Variants in DPY19L3 observed in about 807,000 individuals in gnomAD.
DPY19L3 encodes the protein protein C-mannosyl-transferase DPY19L3.
Under a neutral mutation model 92.3 loss-of-function variants are expected in DPY19L3, and 51 were observed. That is an observed-to-expected ratio of 0.55 (90% CI 0.44 to 0.70). The LOEUF (loss-of-function observed/expected upper bound fraction) is 0.70, where lower values mean the gene tolerates loss of function less well. Ranked by LOEUF, DPY19L3 falls within the 30% of genes least tolerant of loss-of-function variation. DPY19L3 has a pLI of 0.00. For missense variants in DPY19L3, 706 were observed against 855.9 expected, an observed-to-expected ratio of 0.82 and a Z score of 2.18; for synonymous variants, 309 against 315.2, an observed-to-expected ratio of 0.98 and a Z score of 0.21.
At chr19:32,452,276 G>A (rs1465476479) in intron 8 of DPY19L3, among the ~76,000 whole-genome samples, 2 of 152,212 alleles carry the variant, frequency 1.3e-5, no homozygotes, top group African/African-American at 2.4e-5. Context: ...TACAGGTGCT[G>A]TTGGTGCCGG....
At chr19:32,440,928 T>G (rs1401616889) in intron 8 of DPY19L3, among the ~76,000 whole-genome samples, 1 of 151,760 alleles carries the variant, frequency 6.6e-6, no homozygotes, top group Non-Finnish European at 1.5e-5. Flanking sequence ...GGGTGGGATG[T>G]CAGGGGTGGG....
intron 15 of DPY19L3, chr19:32,468,013 AATTAT>A: frequency 2.0e-6 from 2 of 984,938 alleles, no homozygotes; most frequent in South Asian, 9.4e-5. Context: ...TTGTACCAGC[AATTAT>A]ATTAATATAT....
chr19:32,478,073 T>G (rs956050296), intron 17 of DPY19L3, among the ~76,000 whole-genome samples: 22 of 152,050 alleles, frequency 1.4e-4, no homozygotes, highest in African/African-American at 5.3e-4. Flanking sequence ...CCCTACCACA[T>G]CATGTGGGAC....
chr19:32,410,890 C>T (rs1182043556), intron 2 of DPY19L3, among the ~76,000 whole-genome samples: 2 of 152,326 alleles, frequency 1.3e-5, no homozygotes, highest in Admixed American at 6.5e-5. Context: ...GTCCTAGACA[C>T]GTAACACATT....
intron 16 of DPY19L3, among the ~76,000 whole-genome samples, chr19:32,471,401 G>A (rs181873757): frequency 1.2e-4 from 18 of 152,268 alleles, no homozygotes; most frequent in African/African-American, 3.9e-4. Flanking sequence ...GGCATCTATC[G>A]GACAGGGGCA....
intron 13 of DPY19L3, 78 bp from the exon 14 acceptor site, chr19:32,463,791 C>A: frequency 1.6e-6 from 2 of 1,253,532 alleles, no homozygotes; most frequent in Non-Finnish European, 1.2e-6. Context: ...GACTGTAAAG[C>A]TGCCTTTATA....
chr19:32,447,773 ATAGAT>A (rs1555721940), intron 8 of DPY19L3, among the ~76,000 whole-genome samples: 3 of 123,330 alleles, frequency 2.4e-5, no homozygotes, highest in African/African-American at 1.0e-4. Context: ...AGATAGATAG[ATAGAT>A]TAGATAAGAT....
At chr19:32,420,446 T>G (rs1460116787) in intron 3 of DPY19L3, among the ~76,000 whole-genome samples, 1 of 149,722 alleles carries the variant, frequency 6.7e-6, no homozygotes. Context: ...TAGTTTTGTT[T>G]TTTTTTGTTG....
intron 3 of DPY19L3, among the ~76,000 whole-genome samples, chr19:32,432,453 A>G (rs554064406): frequency 6.6e-6 from 1 of 152,138 alleles, no homozygotes; most frequent in Admixed American, 6.5e-5. Flanking sequence ...CTGCTATTAC[A>G]TAGGAATGGT....
intron 15 of DPY19L3, among the ~76,000 whole-genome samples, chr19:32,467,051 A>T (rs562680912): frequency 6.6e-6 from 1 of 152,322 alleles, no homozygotes; most frequent in East Asian, 1.9e-4. Context: ...ATTTCTCTTT[A>T]GTATAAGCAT....
At chr19:32,429,623 C>T (rs1389464358) in intron 3 of DPY19L3, among the ~76,000 whole-genome samples, 1 of 152,118 alleles carries the variant, frequency 6.6e-6, no homozygotes, top group Non-Finnish European at 1.5e-5. Flanking sequence ...TTTCTTATTC[C>T]CTGGTCTTTT....
At chr19:32,477,833 AAG>A (rs1428199833) in intron 17 of DPY19L3, among the ~76,000 whole-genome samples, 179 bp downstream of exon 17, 3 of 152,202 alleles carry the variant, frequency 2.0e-5, no homozygotes, top group African/African-American at 2.4e-5. Context: ...TTACAGAAGA[AAG>A]AGAGGTTTAA....
chr19:32,424,248 A>G (rs1968679872), intron 3 of DPY19L3, among the ~76,000 whole-genome samples: 1 of 151,316 alleles, frequency 6.6e-6, no homozygotes, highest in Non-Finnish European at 1.5e-5. Flanking sequence ...TGAGCTGGGG[A>G]GGTCAAGGCT....
intron 3 of DPY19L3, among the ~76,000 whole-genome samples, chr19:32,413,443 TC>T (rs985837126): frequency 5.1e-5 from 5 of 97,334 alleles, no homozygotes; most frequent in African/African-American, 1.7e-4. Flanking sequence ...GAAGAATAAT[TC>T]TTTTTTTTTT....
chr19:32,435,266 C>T (rs1211157317), intron 4 of DPY19L3, among the ~76,000 whole-genome samples: 1 of 152,206 alleles, frequency 6.6e-6, no homozygotes, highest in East Asian at 1.9e-4. Flanking sequence ...TTATTACCTC[C>T]TGTAGGCCCT....
At chr19:32,445,758 T>C (rs1266822585) in intron 8 of DPY19L3, among the ~76,000 whole-genome samples, 1 of 152,160 alleles carries the variant, frequency 6.6e-6, no homozygotes, top group Non-Finnish European at 1.5e-5. Context: ...CCCAGCACTT[T>C]GGGAGGACGA....
At chr19:32,436,244 A>G (rs1393150233) in intron 4 of DPY19L3, among the ~76,000 whole-genome samples, 3 of 152,132 alleles carry the variant, frequency 2.0e-5, no homozygotes, top group Non-Finnish European at 4.4e-5. Context: ...TAATTTACCT[A>G]TGTTTGTGTA....
At chr19:32,428,674 A>G (rs1317995907) in intron 3 of DPY19L3, among the ~76,000 whole-genome samples, 1 of 152,178 alleles carries the variant, frequency 6.6e-6, no homozygotes, top group Non-Finnish European at 1.5e-5. Context: ...TTTGTCTCAA[A>G]GGACTCTAGC....
At chr19:32,433,559 G>A (rs956829384) in intron 4 of DPY19L3, among the ~76,000 whole-genome samples, 2 of 151,802 alleles carry the variant, frequency 1.3e-5, no homozygotes, top group African/African-American at 2.4e-5. Context: ...CTGGGACTAT[G>A]GGTGTGCACT....
Sources: allele counts gnomAD v4.1 joint callset (sites outside exome capture counted in the v4.1 genomes callset), GRCh38; gene constraint gnomAD v4.1.1; transcripts MANE v1.5; gene names NCBI Gene and HGNC (gene_info 2026-07-23, HGNC 2026-07-21).